The following LINGO2 variants were observed in gnomAD, a reference collection of about 807,000 sequenced individuals.
LINGO2 encodes leucine rich repeat and Ig domain containing 2, also known as leucine-rich repeat and immunoglobulin-like domain-containing nogo receptor-interacting protein 2.
In LINGO2, 14 loss-of-function variants were observed where a neutral mutation model predicts 30.6. That is an observed-to-expected ratio of 0.46 (90% confidence interval 0.30 to 0.72). LINGO2 has a LOEUF of 0.72. LINGO2 is among the 30% of genes least tolerant of loss of function. The probability of loss-of-function intolerance (pLI) is 0.07; values close to 1 mark genes in which losing one functional copy is unlikely to be tolerated. For missense variants in LINGO2, 729 were observed against 751.7 expected (o/e 0.97, Z 0.35); for synonymous variants, 317 against 288.5 (o/e 1.10, Z -1.00).
chr9:28,879,333 G>C, the LINGO2 span, among the ~76,000 whole-genome samples: 1 of 152,094 alleles, frequency 6.6e-6, no homozygotes, highest in Non-Finnish European at 1.5e-5. Flanking sequence ...TAGTAGCACT[G>C]AACTTAACCA....
intron 4 of LINGO2, among the ~76,000 whole-genome samples, chr9:28,218,130 TA>T (rs1418537419): frequency 6.7e-6 from 1 of 148,678 alleles, no homozygotes; most frequent in Admixed American, 6.8e-5. Flanking sequence ...ATATTATAAA[TA>T]TATATAATTC....
intron 3 of LINGO2, among the ~76,000 whole-genome samples, chr9:28,304,731 TA>T (rs1345281317): frequency 2.6e-5 from 4 of 152,072 alleles, no homozygotes; most frequent in Admixed American, 2.6e-4. Context: ...TATGTTTAAC[TA>T]TATTAGAAAC....
chr9:28,379,910 A>G (rs1482431628), intron 2 of LINGO2, among the ~76,000 whole-genome samples: 1 of 152,118 alleles, frequency 6.6e-6, no homozygotes, highest in Non-Finnish European at 1.5e-5. Flanking sequence ...AAGTATCATA[A>G]CATTTTAGCT....
the LINGO2 span, among the ~76,000 whole-genome samples, chr9:28,696,224 A>G: frequency 2.3e-3 from 355 of 152,036 alleles, 3 homozygotes; most frequent in Non-Finnish European, 2.2e-3. Flanking sequence ...TGTAACAAAT[A>G]CTCACACCAA....
intron 4 of LINGO2, among the ~76,000 whole-genome samples, chr9:28,131,694 T>C (rs1188819699): frequency 1.3e-5 from 2 of 152,108 alleles, no homozygotes; most frequent in Non-Finnish European, 2.9e-5. Flanking sequence ...GTAGAAGCCC[T>C]TAATACATTC....
At chr9:28,876,591 T>A in the LINGO2 span, among the ~76,000 whole-genome samples, 1 of 152,104 alleles carries the variant, frequency 6.6e-6, no homozygotes, top group Admixed American at 6.6e-5. Context: ...CATCATTTTT[T>A]ATGGCTGCAT....
At chr9:28,759,499 G>A in the LINGO2 span, among the ~76,000 whole-genome samples, 1 of 151,702 alleles carries the variant, frequency 6.6e-6, no homozygotes, top group African/African-American at 2.4e-5. Context: ...TGGCTAACAT[G>A]GTGAAACCCC....
chr9:29,153,672 G>A, the LINGO2 span, among the ~76,000 whole-genome samples: 3 of 151,996 alleles, frequency 2.0e-5, no homozygotes, highest in African/African-American at 7.2e-5. Flanking sequence ...CAAATACAAG[G>A]AAAATTATTC....
At chr9:28,467,786 C>A (rs1233863614) in intron 2 of LINGO2, among the ~76,000 whole-genome samples, 2 of 152,016 alleles carry the variant, frequency 1.3e-5, no homozygotes, top group Admixed American at 1.3e-4. Flanking sequence ...AAAAATTAAT[C>A]TTTACCTTTG....
At chr9:28,633,042 T>C (rs564462778) in intron 1 of LINGO2, among the ~76,000 whole-genome samples, 126 of 151,482 alleles carry the variant, frequency 8.3e-4, no homozygotes, top group Admixed American at 1.1e-3. Context: ...AGTCCAGTGT[T>C]CAAGGGCAGG....
intron 4 of LINGO2, among the ~76,000 whole-genome samples, chr9:28,044,561 TA>T (rs1180554361): frequency 6.6e-6 from 1 of 152,168 alleles, no homozygotes; most frequent in African/African-American, 2.4e-5. Context: ...AGATAGGCCT[TA>T]TAACAATATT....
chr9:28,813,336 C>T, the LINGO2 span, among the ~76,000 whole-genome samples: 1 of 152,088 alleles, frequency 6.6e-6, no homozygotes, highest in Non-Finnish European at 1.5e-5. Flanking sequence ...ATAAATTTGG[C>T]ATGGTAAGAG....
intron 4 of LINGO2, among the ~76,000 whole-genome samples, chr9:28,068,261 A>G (rs1006467735): frequency 1.3e-5 from 2 of 152,174 alleles, no homozygotes; most frequent in African/African-American, 4.8e-5. Context: ...TGCAAAGTCC[A>G]AGGCCAAAGT....
chr9:28,305,866 G>C (rs536241896), intron 3 of LINGO2, among the ~76,000 whole-genome samples: 1 of 152,140 alleles, frequency 6.6e-6, no homozygotes, highest in African/African-American at 2.4e-5. Context: ...GTCAAAGTCA[G>C]CCACACTATA....
chr9:27,938,445 G>A, the LINGO2 span: 1 of 152,132 alleles, frequency 6.6e-6, no homozygotes, highest in Non-Finnish European at 1.5e-5. Context: ...GGTAGGTAGT[G>A]TTATGGTTAT....
chr9:28,555,766 G>C (rs1032908951), intron 1 of LINGO2, among the ~76,000 whole-genome samples: 11 of 151,958 alleles, frequency 7.2e-5, no homozygotes, highest in Non-Finnish European at 1.3e-4. Context: ...CTGGCAAACT[G>C]AATCCAGCAG....
At chr9:28,132,133 TA>T (rs1827394554) in intron 4 of LINGO2, among the ~76,000 whole-genome samples, 1 of 152,220 alleles carries the variant, frequency 6.6e-6, no homozygotes, top group Non-Finnish European at 1.5e-5. Flanking sequence ...CTAGTTTTAG[TA>T]AACTGATAGA....
intron 3 of LINGO2, among the ~76,000 whole-genome samples, chr9:28,348,617 C>T (rs1339368515): frequency 2.0e-5 from 3 of 152,178 alleles, no homozygotes; most frequent in African/African-American, 7.2e-5. Flanking sequence ...AACAAAGCAG[C>T]CTGGAAGCTG....
At chr9:28,892,765 T>C in the LINGO2 span, among the ~76,000 whole-genome samples, 3 of 152,036 alleles carry the variant, frequency 2.0e-5, no homozygotes, top group Non-Finnish European at 4.4e-5. Context: ...TTGAATATTA[T>C]TACACAATAC....
Sources: allele counts gnomAD v4.1 joint callset (sites outside exome capture counted in the v4.1 genomes callset), GRCh38; gene constraint gnomAD v4.1.1; transcripts MANE v1.5; gene names NCBI Gene and HGNC (gene_info 2026-07-23, HGNC 2026-07-21).